The following CADPS2 variants were observed in gnomAD, a reference collection of about 807,000 sequenced individuals.
CADPS2 encodes calcium dependent secretion activator 2.
In CADPS2, 93 loss-of-function variants were observed where a neutral mutation model predicts 172.5. The observed-to-expected ratio is 0.54, with a 90% CI of 0.46 to 0.64. CADPS2 has a LOEUF of 0.64. Ranked by LOEUF, CADPS2 falls within the 30% of genes least tolerant of loss-of-function variation. The probability of loss-of-function intolerance (pLI) is 0.00; values close to 1 mark genes in which losing one functional copy is unlikely to be tolerated. For synonymous variants in CADPS2, 546 were observed against 555.2 expected (o/e 0.98, Z 0.23); for missense variants, 1,420 against 1,565.9 (o/e 0.91, Z 1.57).
chr7:122,858,065 G>A (rs964434823), intron 1 of CADPS2, among the ~76,000 whole-genome samples: 32 of 152,244 alleles, frequency 2.1e-4, no homozygotes, highest in African/African-American at 7.0e-4. Context: ...CTACTGGCTG[G>A]AATGCCCAGG....
intron 1 of CADPS2, among the ~76,000 whole-genome samples, chr7:122,878,567 G>A (rs529540029): frequency 1.5e-3 from 234 of 151,594 alleles, no homozygotes; most frequent in African/African-American, 5.4e-3. Context: ...GTGAACCCAG[G>A]AGGTGGAGCT....
At chr7:122,757,008 G>A (rs1351535907) in intron 1 of CADPS2, among the ~76,000 whole-genome samples, 2 of 152,104 alleles carry the variant, frequency 1.3e-5, no homozygotes, top group East Asian at 1.9e-4. Context: ...ACAACTCCAC[G>A]GACACCTTTG....
At chr7:122,399,327 A>T (rs937771256) in intron 20 of CADPS2, among the ~76,000 whole-genome samples, 2 of 152,262 alleles carry the variant, frequency 1.3e-5, no homozygotes, top group African/African-American at 4.8e-5. Context: ...GGGAGGAATC[A>T]TTTCTTATTT....
chr7:122,564,589 G>C (rs1043538151), intron 7 of CADPS2, among the ~76,000 whole-genome samples: 1 of 151,958 alleles, frequency 6.6e-6, no homozygotes, highest in African/African-American at 2.4e-5. Flanking sequence ...TTACAGGTGT[G>C]AGCCACCATA....
intron 2 of CADPS2, chr7:122,702,124 G>T (rs753838190): frequency 9.3e-6 from 15 of 1,613,412 alleles, no homozygotes; most frequent in South Asian, 8.8e-5. Context: ...GTCTCCAGAC[G>T]CAATCTAAGT....
At chr7:122,400,000 T>A (rs2045741773) in intron 20 of CADPS2, among the ~76,000 whole-genome samples, 2 of 151,496 alleles carry the variant, frequency 1.3e-5, no homozygotes, top group Non-Finnish European at 1.5e-5. Flanking sequence ...ATGCCCATGG[T>A]TTTCAGAAGT....
intron 3 of CADPS2, among the ~76,000 whole-genome samples, chr7:122,633,995 T>G (rs1286821201): frequency 6.6e-6 from 1 of 152,226 alleles, no homozygotes; most frequent in Admixed American, 6.5e-5. Flanking sequence ...TCTTTATTTA[T>G]TTGCTTATGT....
chr7:122,402,773 GCA>G (rs1259344360), intron 20 of CADPS2, among the ~76,000 whole-genome samples: 1 of 151,890 alleles, frequency 6.6e-6, no homozygotes, highest in African/African-American at 2.4e-5. Context: ...TTTGTGTAAC[GCA>G]CACACACACA....
In CADPS2 at chr7:122,645,487, CGT is replaced by C. The variant is rs1491428556; in HGVS notation, c.787-16161_787-16160del. ...TGTGTATATATGTATATATATTTAG[CGT>C]ATATATATATAAGTATATATATACT... On this transcript the variant is annotated intron_variant, in intron 3 of 29. Coordinates refer to ENST00000449022, the MANE Select transcript of CADPS2 (RefSeq NM_017954.11). Among the ~76,000 whole-genome samples, 633 of 89,122 alleles carry C rather than the reference CGT, an allele frequency of 7.1e-3. 17 individuals are homozygous for C. Among genetic ancestry groups the C allele is most frequent in the Non-Finnish European group, 0.01 (486 of 46,346 alleles). 58.5% of individuals were successfully genotyped at this position (89,122 alleles called of 152,430 possible). A position where few individuals can be genotyped will look rare whatever the true frequency, so the allele number is the denominator to read the frequency against.
At chr7:122,340,364 T>C (rs909952817) in intron 28 of CADPS2, among the ~76,000 whole-genome samples, 2 of 152,198 alleles carry the variant, frequency 1.3e-5, no homozygotes, top group Non-Finnish European at 2.9e-5. Context: ...ACATGAGAGC[T>C]AAAATGAGAT....
At chr7:122,613,426 T>C (rs535130895) in intron 6 of CADPS2, among the ~76,000 whole-genome samples, 1 of 152,112 alleles carries the variant, frequency 6.6e-6, no homozygotes, top group Non-Finnish European at 1.5e-5. Flanking sequence ...ACATTTAGCT[T>C]TCCATATGAA....
intron 1 of CADPS2, among the ~76,000 whole-genome samples, chr7:122,797,196 A>G (rs879730211): frequency 4.6e-5 from 7 of 152,166 alleles, no homozygotes; most frequent in Admixed American, 1.3e-4. Context: ...AAAAAGTCAA[A>G]TAACAGATGA....
intron 2 of CADPS2, among the ~76,000 whole-genome samples, chr7:122,733,294 A>G (rs967268922): frequency 1.3e-5 from 2 of 152,020 alleles, no homozygotes; most frequent in Non-Finnish European, 1.5e-5. Context: ...TAAAAACAAG[A>G]TCAAAATATA....
At chr7:122,666,691 A>G (rs1309253259) in intron 2 of CADPS2, among the ~76,000 whole-genome samples, 6 of 152,134 alleles carry the variant, frequency 3.9e-5, no homozygotes, top group Admixed American at 2.6e-4. Flanking sequence ...GAGGACGTAC[A>G]CTGGAAGAAA....
intron 7 of CADPS2, among the ~76,000 whole-genome samples, chr7:122,566,845 A>G (rs2132382583): frequency 6.6e-6 from 1 of 152,318 alleles, no homozygotes; most frequent in Admixed American, 6.5e-5. Flanking sequence ...AGCACATTTC[A>G]GATTTATTCA....
chr7:122,584,070 T>C (rs1039360811), intron 6 of CADPS2, among the ~76,000 whole-genome samples: 3 of 151,732 alleles, frequency 2.0e-5, no homozygotes, highest in African/African-American at 7.2e-5. Flanking sequence ...TTATATAATG[T>C]CCATTATTGA....
chr7:122,661,730 T>A (rs917530369), intron 3 of CADPS2, among the ~76,000 whole-genome samples: 1 of 152,170 alleles, frequency 6.6e-6, no homozygotes, highest in South Asian at 2.1e-4. Context: ...GGAAAAAATA[T>A]GTTTTTTCGC....
chr7:122,632,135 T>C (rs2076634160), intron 3 of CADPS2, among the ~76,000 whole-genome samples: 1 of 152,192 alleles, frequency 6.6e-6, no homozygotes, highest in South Asian at 2.1e-4. Context: ...TACCAGGTCT[T>C]TGCTATTGTC....
At chr7:122,768,647 T>C (rs1254071332) in intron 1 of CADPS2, among the ~76,000 whole-genome samples, 1 of 152,202 alleles carries the variant, frequency 6.6e-6, no homozygotes. Flanking sequence ...AAATTCATGA[T>C]ATTTTTAAAA....
Sources: gnomAD v4.1 joint callset for allele counts (sites outside exome capture counted in the v4.1 genomes callset) on GRCh38, gnomAD v4.1.1 for gene constraint, MANE v1.5 for transcripts, NCBI Gene and HGNC (gene_info 2026-07-23, HGNC 2026-07-21) for gene names.